Variants in NKAIN2 observed in about 807,000 individuals in gnomAD.
NKAIN2 encodes the protein sodium/potassium-transporting ATPase subunit beta-1-interacting protein 2.
In NKAIN2, 14 loss-of-function variants were observed where a neutral mutation model predicts 32.6. The ratio of observed to expected loss-of-function variants is 0.43; its 90% confidence interval spans 0.28 to 0.67. The LOEUF is 0.67. Among genes scored for constraint, NKAIN2 ranks in the 30% least tolerant of loss-of-function variants. NKAIN2 has a pLI of 0.17. For missense variants in NKAIN2, 198 were observed against 258.3 expected, an observed-to-expected ratio of 0.77 and a Z score of 1.60; for synonymous variants, 80 against 87.2, an observed-to-expected ratio of 0.92 and a Z score of 0.46.
chr6:124,104,138 C>A (rs1460046072), intron 1 of NKAIN2, among the ~76,000 whole-genome samples: 1 of 152,084 alleles, frequency 6.6e-6, no homozygotes, highest in Non-Finnish European at 1.5e-5. Flanking sequence ...GAACCTGGTT[C>A]TTTACCTGTT....
intron 4 of NKAIN2, among the ~76,000 whole-genome samples, chr6:124,701,830 T>C (rs766618346): frequency 6.6e-6 from 1 of 152,132 alleles, no homozygotes; most frequent in Non-Finnish European, 1.5e-5. Context: ...TTTTTTTATT[T>C]ATCAAGATTA....
chr6:123,941,268 A>G lies in NKAIN2; in HGVS notation c.54+137014A>G, dbSNP rs377202491. On this transcript the variant is annotated intron_variant, in intron 1 of 6. Coordinates refer to ENST00000368417, the MANE Select transcript of NKAIN2 (RefSeq NM_001040214.3). ...GAAGGACTGCTTGATGCTGTTTTATACTTAATATTTTTTTTTTATTAGTGG... is the reference window on the plus strand; with the variant it reads ...GAAGGACTGCTTGATGCTGTTTTATGCTTAATATTTTTTTTTTATTAGTGG... 2.2e-4 allele frequency among the ~76,000 whole-genome samples: 34 copies of G among 151,710 alleles called. No individual in the cohort carries two copies. The East Asian group carries it at 6.2e-3, about 28-fold the overall frequency.
intron 1 of NKAIN2, among the ~76,000 whole-genome samples, chr6:124,102,058 C>T (rs1784912467): frequency 6.6e-6 from 1 of 152,204 alleles, no homozygotes; most frequent in South Asian, 2.1e-4. Flanking sequence ...ATTTTGGTAC[C>T]AGATCGAACT....
chr6:123,988,874 AGTGTGTGTGTGT>A (rs72226512), intron 1 of NKAIN2, among the ~76,000 whole-genome samples: 12 of 134,322 alleles, frequency 8.9e-5, no homozygotes, highest in African/African-American at 3.0e-4. Flanking sequence ...GAACCTTAAG[AGTGTGTGTGTGT>A]GTGTGTGTGT....
At chr6:124,350,761 A>G (rs1798685859) in intron 2 of NKAIN2, among the ~76,000 whole-genome samples, 1 of 152,246 alleles carries the variant, frequency 6.6e-6, no homozygotes, top group Non-Finnish European at 1.5e-5. Flanking sequence ...ATCCTTCTGA[A>G]TTACTCTGGA....
chr6:123,817,714 G>T (rs1310317739), intron 1 of NKAIN2, among the ~76,000 whole-genome samples: 2 of 152,108 alleles, frequency 1.3e-5, no homozygotes, highest in Non-Finnish European at 2.9e-5. Context: ...AGATTATTTT[G>T]GTATGTTTCT....
At chr6:123,961,022 G>T (rs1478991728) in intron 1 of NKAIN2, among the ~76,000 whole-genome samples, 1 of 151,950 alleles carries the variant, frequency 6.6e-6, no homozygotes, top group African/African-American at 2.4e-5. Context: ...ATACTGCCCT[G>T]GTATTAAAGG....
chr6:124,448,684 G>T (rs1775988188), intron 3 of NKAIN2, among the ~76,000 whole-genome samples: 1 of 152,082 alleles, frequency 6.6e-6, no homozygotes, highest in Non-Finnish European at 1.5e-5. Flanking sequence ...AGTGCATTAT[G>T]AACCATTTAG....
chr6:123,854,635 CATCAAT>C (rs1400184449), intron 1 of NKAIN2, among the ~76,000 whole-genome samples: 2 of 152,142 alleles, frequency 1.3e-5, no homozygotes, highest in East Asian at 3.9e-4. Flanking sequence ...ACAAAGTTCT[CATCAAT>C]ATCCAAATTT....
intron 1 of NKAIN2, among the ~76,000 whole-genome samples, chr6:123,952,368 C>T (rs1362363649): frequency 6.6e-6 from 1 of 151,944 alleles, no homozygotes; most frequent in Admixed American, 6.6e-5. Flanking sequence ...TATAGTATGC[C>T]ACAGAGAAAG....
chr6:124,293,895 C>T (rs1362304110), intron 2 of NKAIN2, among the ~76,000 whole-genome samples: 3 of 151,982 alleles, frequency 2.0e-5, no homozygotes, highest in Non-Finnish European at 4.4e-5. Flanking sequence ...CAAGTAGGCA[C>T]CATTTCCAGG....
chr6:124,591,638 T>C (rs1313649818), intron 3 of NKAIN2, among the ~76,000 whole-genome samples: 1 of 152,190 alleles, frequency 6.6e-6, no homozygotes, highest in Non-Finnish European at 1.5e-5. Flanking sequence ...TCATATAGTT[T>C]TTGATGCTGT....
At chr6:124,692,386 T>C (rs1472051808) in intron 4 of NKAIN2, among the ~76,000 whole-genome samples, 2 of 152,222 alleles carry the variant, frequency 1.3e-5, no homozygotes, top group African/African-American at 2.4e-5. Flanking sequence ...CGTTTTGTTA[T>C]ATAAAAATAA....
chr6:124,363,846 G>A (rs978686185), intron 3 of NKAIN2, among the ~76,000 whole-genome samples: 2 of 152,042 alleles, frequency 1.3e-5, no homozygotes, highest in Admixed American at 6.6e-5. Context: ...ATGACATCAG[G>A]CAATTGAAAA....
chr6:123,950,823 C>A (rs1777292447), intron 1 of NKAIN2, among the ~76,000 whole-genome samples: 1 of 151,814 alleles, frequency 6.6e-6, no homozygotes, highest in Non-Finnish European at 1.5e-5. Context: ...TCTTTTGCTT[C>A]TACTAATTTG....
At chr6:124,241,550 G>T (rs1793094457) in intron 1 of NKAIN2, among the ~76,000 whole-genome samples, 1 of 152,084 alleles carries the variant, frequency 6.6e-6, no homozygotes, top group South Asian at 2.1e-4. Context: ...CAGATATATA[G>T]ACCAGTGAAA....
intron 2 of NKAIN2, among the ~76,000 whole-genome samples, chr6:124,312,290 G>C (rs1796752197): frequency 6.6e-6 from 1 of 152,098 alleles, no homozygotes. Context: ...ACACCAGCTA[G>C]CTGTCTTCCA....
At chr6:124,279,122 CTGAACAGCTA>C (rs919028147) in intron 1 of NKAIN2, among the ~76,000 whole-genome samples, 9 of 152,086 alleles carry the variant, frequency 5.9e-5, no homozygotes, top group African/African-American at 2.2e-4. Context: ...CAATATTTTA[CTGAACAGCTA>C]TGCAGTTAGC....
In NKAIN2 at chr6:124,612,677, T is replaced by C. The variant is rs73772189; in HGVS notation, c.274-45509T>C. Among the ~76,000 whole-genome samples the C allele has an allele frequency of 5.5e-3, 831 of 152,266 alleles. 11 individuals are homozygous for C. Among genetic ancestry groups the C allele is most frequent in the African/African-American group, 0.019 (786 of 41,548 alleles). ...TATAAAATGAAACTATTGAATCAAA[T>C]GATCCCTAAGGTCACTTCTAAGCTT... On this transcript the variant is annotated intron_variant, in intron 3 of 6. Transcript: ENST00000368417.
Sources: allele counts gnomAD v4.1 joint callset (sites outside exome capture counted in the v4.1 genomes callset), GRCh38; gene constraint gnomAD v4.1.1; transcripts MANE v1.5; gene names NCBI Gene and HGNC (gene_info 2026-07-23, HGNC 2026-07-21).